The following CHRM3 variants were observed in gnomAD, a reference collection of about 807,000 sequenced individuals.
CHRM3 encodes muscarinic acetylcholine receptor M3.
A neutral mutation model predicts 41.8 loss-of-function variants in CHRM3; 11 were observed. That is an observed-to-expected ratio of 0.26 (90% CI 0.17 to 0.44). CHRM3 has a LOEUF of 0.44. Among genes scored for constraint, CHRM3 ranks in the 20% least tolerant of loss-of-function variants. The pLI, the probability that CHRM3 is intolerant of heterozygous loss-of-function variation, is 1.00. For synonymous variants in CHRM3, 297 were observed against 301.4 expected, an observed-to-expected ratio of 0.99 and a Z score of 0.15; for missense variants, 571 against 745.4, an observed-to-expected ratio of 0.77 and a Z score of 2.72.
At chr1:239,607,598 A>T (rs1666493140) in intron 3 of CHRM3, among the ~76,000 whole-genome samples, 1 of 152,096 alleles carries the variant, frequency 6.6e-6, no homozygotes, top group Non-Finnish European at 1.5e-5. Flanking sequence ...TTCTCATGGG[A>T]GTTTTTTTAC....
At chr1:239,870,946 G>A (rs1037685271) in intron 6 of CHRM3, among the ~76,000 whole-genome samples, 4 of 152,044 alleles carry the variant, frequency 2.6e-5, no homozygotes, top group Non-Finnish European at 4.4e-5. Context: ...CTACAGAGGC[G>A]ATTTTGTGCT....
At chr1:239,656,684 G>T (rs1417711783) in intron 4 of CHRM3, among the ~76,000 whole-genome samples, 5 of 151,924 alleles carry the variant, frequency 3.3e-5, no homozygotes, top group African/African-American at 1.2e-4. Flanking sequence ...TTTTGGTATT[G>T]AGGTTATAGG....
chr1:239,695,072 G>A (rs556697777), intron 5 of CHRM3, among the ~76,000 whole-genome samples: 16 of 152,244 alleles, frequency 1.1e-4, no homozygotes, highest in East Asian at 1.9e-4. Context: ...ATGCAGTGGC[G>A]CCATCTCAGC....
rs370994725 is a variant in CHRM3 at position 239,606,819 on chromosome 1, T to C, written c.-312-25405T>C. Among the ~76,000 whole-genome samples the C allele has an allele frequency of 1.6e-4, 24 of 152,286 alleles. No individual in the cohort carries two copies. In the East Asian group the frequency reaches 2.1e-3, roughly 14 times the overall value. ...CTTGAAAATTAACTTTAAATTCTAATGGAAACTTCTAAATGGTCTCTTCTG... is the reference window on the plus strand; with the variant it reads ...CTTGAAAATTAACTTTAAATTCTAACGGAAACTTCTAAATGGTCTCTTCTG... On this transcript the variant is annotated intron_variant, in intron 3 of 6. Transcript: ENST00000676153.
intron 6 of CHRM3, among the ~76,000 whole-genome samples, chr1:239,842,210 C>CT (rs11294705): frequency 0.012 from 1,560 of 128,052 alleles, 6 homozygotes; most frequent in East Asian, 0.034. Context: ...ACATGTACTT[C>CT]TTTTTTTTTT....
chr1:239,611,520 A>G (rs1287903159), intron 3 of CHRM3, among the ~76,000 whole-genome samples: 1 of 144,962 alleles, frequency 6.9e-6, no homozygotes, highest in Non-Finnish European at 1.5e-5. Flanking sequence ...TCCCTGGTTC[A>G]AGGGATTCTC....
intron 6 of CHRM3, among the ~76,000 whole-genome samples, chr1:239,893,426 A>G (rs1305546323): frequency 6.6e-6 from 1 of 152,224 alleles, no homozygotes; most frequent in African/African-American, 2.4e-5. Flanking sequence ...ATTAGGAAAT[A>G]GACCTGAGAG....
chr1:239,573,924 G>C (rs556192326), intron 3 of CHRM3, among the ~76,000 whole-genome samples: 1 of 152,080 alleles, frequency 6.6e-6, no homozygotes, highest in East Asian at 1.9e-4. Context: ...GTTATTTCTT[G>C]ATCTATTTAG....
intron 6 of CHRM3, among the ~76,000 whole-genome samples, chr1:239,889,797 G>A (rs1440346401): frequency 6.6e-6 from 1 of 152,172 alleles, no homozygotes; most frequent in African/African-American, 2.4e-5. Flanking sequence ...TCTTCCCAGA[G>A]AGCATCAGGC....
At chr1:239,636,542 C>A (rs1271948822) in intron 4 of CHRM3, among the ~76,000 whole-genome samples, 4 of 152,090 alleles carry the variant, frequency 2.6e-5, no homozygotes, top group Admixed American at 1.3e-4. Context: ...TACAGCAATT[C>A]TGGGGCTTTA....
chr1:239,725,933 A>G (rs1663396564), intron 5 of CHRM3, among the ~76,000 whole-genome samples: 1 of 151,944 alleles, frequency 6.6e-6, no homozygotes, highest in South Asian at 2.1e-4. Flanking sequence ...CAAAAACACC[A>G]GTGTAAATGT....
chr1:239,849,450 A>T (rs1674525135), intron 6 of CHRM3, among the ~76,000 whole-genome samples: 1 of 152,240 alleles, frequency 6.6e-6, no homozygotes, highest in Non-Finnish European at 1.5e-5. Flanking sequence ...AAGGTTGTTG[A>T]CTTCATCTCT....
intron 5 of CHRM3, among the ~76,000 whole-genome samples, chr1:239,733,588 A>G (rs1200783617): frequency 6.6e-6 from 1 of 152,092 alleles, no homozygotes; most frequent in African/African-American, 2.4e-5. Context: ...CTGGAGATGC[A>G]TATAGAGGTA....
chr1:239,895,216 A>G (rs940896875), intron 6 of CHRM3, among the ~76,000 whole-genome samples: 1 of 152,148 alleles, frequency 6.6e-6, no homozygotes, highest in Non-Finnish European at 1.5e-5. Context: ...TCCTGGCTGT[A>G]CTTCCTTTCT....
intron 1 of CHRM3, among the ~76,000 whole-genome samples, chr1:239,414,502 C>T (rs1162531915): frequency 6.6e-6 from 1 of 152,230 alleles, no homozygotes; most frequent in African/African-American, 2.4e-5. Flanking sequence ...TGACATTAAA[C>T]AAATATCAGC....
intron 5 of CHRM3, among the ~76,000 whole-genome samples, chr1:239,783,525 G>C (rs1668660919): frequency 6.6e-6 from 1 of 151,966 alleles, no homozygotes; most frequent in Non-Finnish European, 1.5e-5. Context: ...CATCTTGAAG[G>C]GATTCCAGGT....
chr1:239,435,875 C>A (rs929918756), intron 1 of CHRM3, among the ~76,000 whole-genome samples: 11 of 152,088 alleles, frequency 7.2e-5, no homozygotes, highest in Non-Finnish European at 1.5e-5. Context: ...GATCACATTT[C>A]TCTGCTCTGG....
intron 5 of CHRM3, chr1:239,703,895 T>G (rs1660907160): frequency 6.6e-6 from 1 of 152,084 alleles, no homozygotes; most frequent in South Asian, 2.1e-4. Flanking sequence ...AAAAGGGCAA[T>G]GGGAAACACA....
chr1:239,872,526 G>A (rs1676681430), intron 6 of CHRM3, among the ~76,000 whole-genome samples: 1 of 152,110 alleles, frequency 6.6e-6, no homozygotes, highest in Non-Finnish European at 1.5e-5. Context: ...AAGAGCAACT[G>A]AGCAAAATTA....
Sources: allele counts gnomAD v4.1 joint callset (sites outside exome capture counted in the v4.1 genomes callset), GRCh38; gene constraint gnomAD v4.1.1; transcripts MANE v1.5; gene names NCBI Gene and HGNC (gene_info 2026-07-23, HGNC 2026-07-21).